ADCY3: variants seen among roughly 807,000 people sequenced by gnomAD.
ADCY3 encodes adenylate cyclase 3.
In ADCY3, 70 loss-of-function variants were observed where a neutral mutation model predicts 119.4. The ratio of observed to expected loss-of-function variants is 0.59; its 90% CI spans 0.48 to 0.72. ADCY3 has a LOEUF of 0.72. ADCY3 is among the 30% of genes least tolerant of loss of function. The probability of loss-of-function intolerance (pLI) is 0.00; values close to 1 mark genes in which losing one functional copy is unlikely to be tolerated. For missense variants in ADCY3, 1,238 were observed against 1,541.6 expected, an observed-to-expected ratio of 0.80 and a Z score of 3.30; for synonymous variants, 672 against 621.4, an observed-to-expected ratio of 1.08 and a Z score of -1.21.
chr2:24,824,312 G>A (rs543853059), intron 17 of ADCY3, 66 bp downstream of exon 17: 431 of 1,579,462 alleles, frequency 2.7e-4, no homozygotes, highest in Non-Finnish European at 3.6e-4. Flanking sequence ...AGCGGGGGCT[G>A]CCTGAAAGAA....
At chr2:24,827,495 C>G (rs897804782) in intron 15 of ADCY3, 51 bp downstream of exon 15, 2 of 1,549,564 alleles carry the variant, frequency 1.3e-6, no homozygotes, top group East Asian at 4.8e-5. Context: ...ATTCCTGTCT[C>G]TAGAAGAAGG....
At chr2:24,907,703 G>A (rs1193485931) in intron 2 of ADCY3, among the ~76,000 whole-genome samples, 1 of 152,142 alleles carries the variant, frequency 6.6e-6, no homozygotes, top group African/African-American at 2.4e-5. Flanking sequence ...AATAAATTAA[G>A]AATAGACAAG....
At position 24,839,962 on chromosome 2, in the gene ADCY3, C is replaced by T. The variant is rs1452901619; in HGVS notation, c.1266G>A (p.Gly422=). The change falls in exon 7 of 22, where the codon GGG becomes GGA. Residue 422 remains glycine (G), a synonymous_variant. Transcript: ENST00000679454. ...RVGVHTGTVL[G]GVLGQKRWQY... is the part of the protein sequence containing the mutation. ...GCCAGCGCTTCTGGCCCAGGACGCC[C>T]CCCAGCACGGTGCCCGTGTGCACCC... 2 of 1,613,882 alleles carry T rather than the reference C, an allele frequency of 1.2e-6. No individual in the cohort carries two copies. The highest frequency in any genetic ancestry group is 2.7e-5 in the African/African-American group (2 of 75,066).
chr2:24,870,751 T>C (rs1426476029), intron 3 of ADCY3, among the ~76,000 whole-genome samples: 1 of 152,162 alleles, frequency 6.6e-6, no homozygotes, highest in Non-Finnish European at 1.5e-5. Flanking sequence ...TGGCCCTGGG[T>C]GTTAGAAAGC....
intron 2 of ADCY3, among the ~76,000 whole-genome samples, chr2:24,905,536 A>G (rs1269476293): frequency 1.3e-5 from 2 of 152,324 alleles, no homozygotes; most frequent in East Asian, 3.9e-4. Flanking sequence ...GTTGGGAAAC[A>G]ATGATAGGGT....
At position 24,827,520 on chromosome 2, in the gene ADCY3, C is replaced by T. The variant is rs758812918; in HGVS notation, c.2495+26G>A. The T allele has an allele frequency of 1.7e-5, 26 of 1,570,258 alleles. No homozygotes were observed. The South Asian group carries it at 2.8e-4, about 17-fold the overall frequency. ...CTAGAAGAAGGGCTGTGAGTGCAGG[C>T]CAGGAGGGGAAGCCGTGGCCCTTAC... is the stretch of plus-strand genomic sequence containing the variant. On this transcript the variant is annotated intron_variant, in intron 15 of 21. Coordinates refer to ENST00000679454, the MANE Select transcript of ADCY3 (RefSeq NM_004036.5).
rs909250083 is a variant in ADCY3 at position 24,898,590 on chromosome 2, T to A, written c.675+19723A>T. 1.3e-5 allele frequency among the ~76,000 whole-genome samples: 2 copies of A among 152,030 alleles called. No homozygotes were observed. The highest frequency in any genetic ancestry group is 4.8e-5 in the African/African-American group (2 of 41,366). ...GAAGATCTTCACTCTCAAATCAGCC[T>A]CTCAATGGAGCCCTGCAGCACTGGA... On this transcript the variant is annotated intron_variant, in intron 2 of 21. Coordinates refer to ENST00000679454, the MANE Select transcript of ADCY3 (RefSeq NM_004036.5). This position sits in a 1 kb window ranked among gnomAD's most constrained non-coding sequence, Gnocchi z 4.3.
At position 24,918,345 on chromosome 2, in the gene ADCY3, C is replaced by CCTG. The variant is rs777018203; in HGVS notation, c.640_642dup (p.Gln214dup). ...AGCAGCTGCATCCCCTTGAGCTCCT[C>CCTG]CTGCTGCTGCTGGGCCACGGTGACC... On this transcript the variant is annotated inframe_insertion, in exon 2 of 22. Coordinates refer to ENST00000679454, the MANE Select transcript of ADCY3 (RefSeq NM_004036.5). This position sits in a 1 kb window ranked among gnomAD's most constrained non-coding sequence, Gnocchi z 5.4. 1 of 1,594,408 alleles carries CCTG rather than the reference C, an allele frequency of 6.3e-7. No homozygotes were observed. Among genetic ancestry groups the CCTG allele is most frequent in the East Asian group, 2.2e-5 (1 of 44,626 alleles).
chr2:24,890,383 T>C (rs1407862414), intron 2 of ADCY3, among the ~76,000 whole-genome samples: 1 of 152,198 alleles, frequency 6.6e-6, no homozygotes, highest in Non-Finnish European at 1.5e-5. Context: ...TCTGATAAAA[T>C]TTATGTGGAA....
At chr2:24,883,396 C>T (rs12986610) in intron 2 of ADCY3, among the ~76,000 whole-genome samples, 51,275 of 151,716 alleles carry the variant, frequency 0.34, 8,925 homozygotes, top group South Asian at 0.4. Context: ...ATGTGCAGCT[C>T]GATTCTGAGG....
At chr2:24,904,242 T>C (rs1281654011) in intron 2 of ADCY3, among the ~76,000 whole-genome samples, 3 of 152,156 alleles carry the variant, frequency 2.0e-5, no homozygotes, top group African/African-American at 4.8e-5. Context: ...ACTATTCCAC[T>C]ATTCTAGCCG....
At chr2:24,820,983 A>T in intron 20 of ADCY3, 135 bp from the exon 21 acceptor site, 1 of 1,303,546 alleles carries the variant, frequency 7.7e-7, no homozygotes, top group Non-Finnish European at 1.1e-6. Context: ...ACTTGGCTGT[A>T]TGCTATTGGA....
At chr2:24,890,764 T>A (rs1254403468) in intron 2 of ADCY3, among the ~76,000 whole-genome samples, 2 of 152,206 alleles carry the variant, frequency 1.3e-5, no homozygotes, top group African/African-American at 4.8e-5. Context: ...TGATTTGTAA[T>A]GTTTTCCCAC....
intron 13 of ADCY3, among the ~76,000 whole-genome samples, chr2:24,830,319 G>A (rs1249174129): frequency 3.9e-5 from 6 of 152,178 alleles, no homozygotes; most frequent in African/African-American, 1.2e-4. Context: ...GATTACAGGC[G>A]TGAGCTACCG....
chr2:24,890,509 G>T (rs899859915), intron 2 of ADCY3, among the ~76,000 whole-genome samples: 5 of 152,150 alleles, frequency 3.3e-5, no homozygotes, highest in Admixed American at 3.3e-4. Context: ...ATGGATATGG[G>T]GCTATTCAAC....
At chr2:24,879,827 G>A (rs868700280) in intron 2 of ADCY3, among the ~76,000 whole-genome samples, 2 of 152,044 alleles carry the variant, frequency 1.3e-5, no homozygotes, top group Admixed American at 6.5e-5. Flanking sequence ...CTGCCAAGGC[G>A]GGGCTACAGC....
At position 24,899,428 on chromosome 2, in the gene ADCY3, C is replaced by T. The variant is rs1678660614; in HGVS notation, c.675+18885G>A. Among the ~76,000 whole-genome samples, 1 of 152,264 alleles carries T rather than the reference C, an allele frequency of 6.6e-6. No homozygotes were observed. The stretch of plus-strand genomic sequence containing the variant: ...GGCTGGAATGCTGCTGTCACCCCAG[C>T]CACCTCTGCCACCAGCCTGCCAGGC... On this transcript the variant is annotated intron_variant, in intron 2 of 21. Transcript: ENST00000679454. The surrounding 1 kb of genome is among the most constrained non-coding windows in gnomAD (Gnocchi z 4.5).
chr2:24,862,233 C>T (rs1042854319), intron 3 of ADCY3, among the ~76,000 whole-genome samples: 1 of 152,182 alleles, frequency 6.6e-6, no homozygotes, highest in Non-Finnish European at 1.5e-5. Flanking sequence ...CACCAGGTCC[C>T]TTTCTATCTG....
chr2:24,850,934 G>A (rs1186658783), intron 3 of ADCY3, among the ~76,000 whole-genome samples: 2 of 152,240 alleles, frequency 1.3e-5, no homozygotes, highest in African/African-American at 2.4e-5. Flanking sequence ...AATAAAGGCA[G>A]AAGGCTATAT....
Sources: gnomAD v4.1 joint callset for allele counts (sites outside exome capture counted in the v4.1 genomes callset) on GRCh38, gnomAD v4.1.1 for gene constraint, Gnocchi (gnomAD v3.1) non-coding constraint, MANE v1.5 for transcripts, NCBI Gene and HGNC (gene_info 2026-07-23, HGNC 2026-07-21) for gene names.